DPP10: variants seen among roughly 807,000 people sequenced by gnomAD.
The protein encoded by DPP10 is inactive dipeptidyl peptidase 10.
Under a neutral mutation model 120.9 loss-of-function variants are expected in DPP10, and 33 were observed. That is an observed-to-expected ratio of 0.27 (90% CI 0.21 to 0.37). The LOEUF (loss-of-function observed/expected upper bound fraction) is 0.37, where lower values mean the gene tolerates loss of function less well. DPP10 is among the 10% of genes least tolerant of loss of function. DPP10 has a pLI of 1.00. For missense variants in DPP10, 816 were observed against 942.8 expected (o/e 0.87, Z 1.76); for synonymous variants, 337 against 326.1 (o/e 1.03, Z -0.36).
intron 1 of DPP10, among the ~76,000 whole-genome samples, chr2:114,934,401 T>A (rs1696306462): frequency 6.6e-6 from 1 of 152,146 alleles, no homozygotes; most frequent in African/African-American, 2.4e-5. Context: ...AAAATATTAC[T>A]AAGAAAATTA....
intron 1 of DPP10, among the ~76,000 whole-genome samples, chr2:114,598,665 C>T (rs1378164304): frequency 3.3e-5 from 5 of 151,742 alleles, no homozygotes; most frequent in Non-Finnish European, 7.4e-5. Flanking sequence ...AAAATGAAAA[C>T]AAGAGGTCAA....
rs144065567 is a variant in DPP10 at position 114,730,509 on chromosome 2, T to C, written c.60+287671T>C. Among the ~76,000 whole-genome samples the C allele has an allele frequency of 7.7e-3, 1,170 of 152,292 alleles. 25 individuals are homozygous for C. Among genetic ancestry groups the C allele is most frequent in the Non-Finnish European group, 6.5e-3 (441 of 68,016 alleles). ...GCAGAGTTGATCAGTTTTGCAGAGATAGTCTTTGTAAAGAAACCCACAATA... is the reference window on the plus strand; with the variant it reads ...GCAGAGTTGATCAGTTTTGCAGAGACAGTCTTTGTAAAGAAACCCACAATA... On this transcript the variant is annotated intron_variant, in intron 1 of 25. Transcript: ENST00000410059.
chr2:114,731,894 C>T (rs1487020223), intron 1 of DPP10, among the ~76,000 whole-genome samples: 1 of 152,124 alleles, frequency 6.6e-6, no homozygotes, highest in Non-Finnish European at 1.5e-5. Flanking sequence ...ATCACTACAG[C>T]CTCTGAGCAC....
intron 24 of DPP10, among the ~76,000 whole-genome samples, chr2:115,840,318 G>GTTT (rs1559227733): frequency 1.3e-4 from 4 of 31,858 alleles, no homozygotes; most frequent in African/African-American, 3.9e-4. Context: ...AAGGTTTTTT[G>GTTT]GTTTTTTTTT....
chr2:115,081,709 T>A (rs1020726135), intron 1 of DPP10, among the ~76,000 whole-genome samples: 5 of 152,104 alleles, frequency 3.3e-5, no homozygotes, highest in Non-Finnish European at 5.9e-5. Flanking sequence ...AAAAAAAAAA[T>A]TTAGAACTAA....
intron 1 of DPP10, among the ~76,000 whole-genome samples, chr2:115,134,065 T>C (rs1233080035): frequency 6.6e-6 from 1 of 152,210 alleles, no homozygotes; most frequent in South Asian, 2.1e-4. Flanking sequence ...TATTATCATT[T>C]GGTTTGTTTT....
chr2:115,115,814 G>A (rs1447774132), intron 1 of DPP10, among the ~76,000 whole-genome samples: 2 of 152,182 alleles, frequency 1.3e-5, no homozygotes, highest in African/African-American at 2.4e-5. Context: ...TTGTGAAGCT[G>A]CAGATAATTA....
intron 1 of DPP10, among the ~76,000 whole-genome samples, chr2:114,693,370 G>A (rs1056994684): frequency 6.6e-6 from 1 of 151,828 alleles, no homozygotes; most frequent in African/African-American, 2.4e-5. Flanking sequence ...GTTCTAGGCT[G>A]GAAATTATTT....
At chr2:115,282,786 T>C (rs1005036696) in intron 1 of DPP10, among the ~76,000 whole-genome samples, 8 of 152,124 alleles carry the variant, frequency 5.3e-5, no homozygotes, top group Non-Finnish European at 1.0e-4. Context: ...AATAGCATCC[T>C]CGGATTTTAA....
At chr2:114,725,265 C>T (rs1187456162) in intron 1 of DPP10, among the ~76,000 whole-genome samples, 2 of 152,198 alleles carry the variant, frequency 1.3e-5, no homozygotes, top group East Asian at 1.9e-4. Flanking sequence ...TCGAACTCCT[C>T]TCTATCCACC....
chr2:114,572,048 T>C (rs957359380), intron 1 of DPP10, among the ~76,000 whole-genome samples: 2 of 150,736 alleles, frequency 1.3e-5, no homozygotes, highest in Admixed American at 1.3e-4. Context: ...ATATATACAG[T>C]ATACATATTG....
chr2:114,955,594 A>T (rs1333127636), intron 1 of DPP10, among the ~76,000 whole-genome samples: 4 of 152,258 alleles, frequency 2.6e-5, no homozygotes, highest in African/African-American at 9.6e-5. Context: ...AACTAATTTT[A>T]CAAGGCTAGC....
At chr2:115,649,692 C>CT (rs1318678421) in intron 5 of DPP10, among the ~76,000 whole-genome samples, 1 of 152,028 alleles carries the variant, frequency 6.6e-6, no homozygotes, top group Admixed American at 6.6e-5. Flanking sequence ...GTACCATATG[C>CT]TGTGTTTTAT....
At chr2:114,456,368 T>C (rs867423891) in intron 1 of DPP10, among the ~76,000 whole-genome samples, 1 of 152,206 alleles carries the variant, frequency 6.6e-6, no homozygotes, top group Non-Finnish European at 1.5e-5. Flanking sequence ...TTAAGTCCAT[T>C]TGGACTAGTG....
At chr2:114,714,120 C>A (rs918415167) in intron 1 of DPP10, among the ~76,000 whole-genome samples, 2 of 150,146 alleles carry the variant, frequency 1.3e-5, no homozygotes, top group Non-Finnish European at 3.0e-5. Flanking sequence ...CGCGTGCGTG[C>A]GCTCATGAGT....
chr2:114,951,804 C>A (rs1697807143), intron 1 of DPP10, among the ~76,000 whole-genome samples: 1 of 152,094 alleles, frequency 6.6e-6, no homozygotes, highest in Non-Finnish European at 1.5e-5. Context: ...CACATATCCA[C>A]TTCCTCTACC....
At chr2:114,514,044 G>A (rs913963033) in intron 1 of DPP10, among the ~76,000 whole-genome samples, 8 of 152,100 alleles carry the variant, frequency 5.3e-5, no homozygotes, top group Non-Finnish European at 8.8e-5. Context: ...CCTCCCCTTC[G>A]CTGTCCTTCT....
chr2:115,429,834 G>A (rs534960719), intron 3 of DPP10, among the ~76,000 whole-genome samples: 147 of 152,240 alleles, frequency 9.7e-4, no homozygotes, highest in Non-Finnish European at 1.9e-3. Context: ...AATGACACTT[G>A]GGGTTTTCAC....
chr2:114,834,573 A>T (rs1687486934), intron 1 of DPP10, among the ~76,000 whole-genome samples: 1 of 145,834 alleles, frequency 6.9e-6, no homozygotes, highest in African/African-American at 2.5e-5. Flanking sequence ...CTATGTATAT[A>T]TAAGCCATAT....
Sources: gnomAD v4.1 joint callset for allele counts (sites outside exome capture counted in the v4.1 genomes callset) on GRCh38, gnomAD v4.1.1 for gene constraint, MANE v1.5 for transcripts, NCBI Gene and HGNC (gene_info 2026-07-23, HGNC 2026-07-21) for gene names.